The following PARP11 variants were observed in gnomAD, a reference collection of about 807,000 sequenced individuals.
PARP11 encodes the protein protein mono-ADP-ribosyltransferase PARP11.
In PARP11, 31 loss-of-function variants were observed where a neutral mutation model predicts 42.9. The observed-to-expected ratio is 0.72, with a 90% CI of 0.54 to 0.98. PARP11 has a LOEUF of 0.98. Ranked by LOEUF, PARP11 falls within the 50% of genes least tolerant of loss-of-function variation. The pLI is 0.00. For synonymous variants in PARP11, 137 were observed against 127.3 expected (o/e 1.08, Z -0.51); for missense variants, 365 against 413.1 (o/e 0.88, Z 1.01).
At chr12:3,830,493 T>TATA (rs1947616322) in intron 1 of PARP11, among the ~76,000 whole-genome samples, 1 of 152,170 alleles carries the variant, frequency 6.6e-6, no homozygotes, top group Admixed American at 6.5e-5. Context: ...ATAGAAATAG[T>TATA]ATAATCCAAT....
chr12:3,856,616 A>AT (rs1388211877), intron 1 of PARP11, among the ~76,000 whole-genome samples: 4 of 152,196 alleles, frequency 2.6e-5, no homozygotes, highest in African/African-American at 9.7e-5. Flanking sequence ...AAAAGTCAGG[A>AT]AACAACAGGT....
chr12:3,854,199 G>A lies in PARP11; in HGVS notation c.18+19013C>T, dbSNP rs190037444. Among the ~76,000 whole-genome samples, 1,040 of 152,178 alleles carry A rather than the reference G, an allele frequency of 6.8e-3. 24 individuals are homozygous for A. The highest frequency in any genetic ancestry group is 0.023 in the African/African-American group (962 of 41,516). ...GAGAAAGCAGGAAAGATCTAAAATC[G>A]ACACCCTAACATCACAATTAAAAGA... is the stretch of plus-strand genomic sequence containing the variant. On this transcript the variant is annotated intron_variant, in intron 1 of 7. Coordinates refer to ENST00000228820, the MANE Select transcript of PARP11 (RefSeq NM_020367.6).
At chr12:3,864,393 A>C (rs1948354470) in intron 1 of PARP11, among the ~76,000 whole-genome samples, 1 of 152,218 alleles carries the variant, frequency 6.6e-6, no homozygotes, top group African/African-American at 2.4e-5. Context: ...GTAGTTTTCT[A>C]TGATGGGTTT....
rs189576232 is a variant in PARP11 at position 3,825,953 on chromosome 12, A to G, written c.344+205T>C. On this transcript the variant is annotated intron_variant, in intron 4 of 7. Coordinates refer to ENST00000228820, the MANE Select transcript of PARP11 (RefSeq NM_020367.6). ...CCGTGTGTTAGCCAAGATGGTCTCGATCTCCTGACTCGTGATCAGGCCGCC... is the reference window on the plus strand; with the variant it reads ...CCGTGTGTTAGCCAAGATGGTCTCGGTCTCCTGACTCGTGATCAGGCCGCC... Among the ~76,000 whole-genome samples the G allele has an allele frequency of 2.6e-5, 4 of 152,134 alleles. No individual in the cohort carries two copies. In the South Asian group the frequency reaches 8.3e-4, roughly 32 times the overall value.
chr12:3,814,279 G>A (rs1406339975), intron 6 of PARP11, 91 bp from the exon 7 acceptor site: 3 of 981,768 alleles, frequency 3.1e-6, no homozygotes, highest in Non-Finnish European at 4.1e-6. Flanking sequence ...TCAATAGAAA[G>A]CGTAAAACAG....
intron 3 of PARP11, among the ~76,000 whole-genome samples, chr12:3,827,484 A>G (rs901593378): frequency 9.2e-5 from 14 of 152,068 alleles, no homozygotes; most frequent in Non-Finnish European, 1.5e-4. Flanking sequence ...ATTCGGTTTC[A>G]GTTCTTCCTC....
chr12:3,852,339 G>C (rs192300043), intron 1 of PARP11, among the ~76,000 whole-genome samples: 1 of 152,248 alleles, frequency 6.6e-6, no homozygotes, highest in Admixed American at 6.5e-5. Flanking sequence ...AAACTTCTCC[G>C]AGCTAAAGGA....
chr12:3,871,185 G>A (rs780221083), intron 1 of PARP11, among the ~76,000 whole-genome samples: 2 of 152,140 alleles, frequency 1.3e-5, no homozygotes, highest in Admixed American at 6.5e-5. Flanking sequence ...AATGAGAGGG[G>A]AAGAATACTG....
Position 3,821,951 on chromosome 12 carries a change from A to C in PARP11, c.470T>G (p.Phe157Cys). Residue 157 changes from phenylalanine (F) to cysteine (C), a missense_variant, in exon 6 of 8, where the codon TTT becomes TGT. By Grantham distance (205) the Phe-to-Cys change is radical (BLOSUM62 -2). Coordinates refer to ENST00000228820, the MANE Select transcript of PARP11 (RefSeq NM_020367.6). ...THEYNEVANL[F>C]GKTMDRNRIK... ...TCGGTTGCGATCCATCGTCTTCCCA[A>C]AGAGATTAGCAACTTCATTATATTC... 6.2e-7 allele frequency: 1 copy of C among 1,610,456 alleles called. No individual in the cohort carries two copies. Among genetic ancestry groups the C allele is most frequent in the Non-Finnish European group, 8.5e-7 (1 of 1,179,000 alleles).
At chr12:3,866,150 G>T (rs1328403241) in intron 1 of PARP11, among the ~76,000 whole-genome samples, 1 of 152,060 alleles carries the variant, frequency 6.6e-6, no homozygotes, top group Non-Finnish European at 1.5e-5. Context: ...GATGTCTAAT[G>T]AGCTTCACAT....
At chr12:3,829,347 AAATCTTCTTTAT>A (rs1420989595) in intron 2 of PARP11, among the ~76,000 whole-genome samples, 2 of 152,236 alleles carry the variant, frequency 1.3e-5, no homozygotes, top group Non-Finnish European at 2.9e-5. Context: ...GGCTCAAGTT[AAATCTTCTTTAT>A]ATAGTTTAGT....
At chr12:3,841,581 A>C in intron 1 of PARP11, 1 of 1,611,334 alleles carries the variant, frequency 6.2e-7, no homozygotes, top group East Asian at 2.2e-5. Flanking sequence ...AGGTGTCTGA[A>C]AGTCACGGAC....
At chr12:3,848,827 C>G (rs1279887688) in intron 1 of PARP11, among the ~76,000 whole-genome samples, 10 of 151,794 alleles carry the variant, frequency 6.6e-5, no homozygotes, top group Admixed American at 6.6e-4. Context: ...TAAAAAGAGT[C>G]TACACAACAA....
chr12:3,839,378 A>G lies in PARP11; in HGVS notation c.19-9360T>C, dbSNP rs540594263. 9.0e-6 allele frequency: 14 copies of G among 1,547,930 alleles called. No homozygotes were observed. The South Asian group carries it at 1.4e-4, about 15-fold the overall frequency. Reference sequence around the variant, plus strand: ...CCCCGCGAGGACGCGACGCCCATGGACGCCTATCTGCGGAAACTGGGCTTG... The same window carrying G: ...CCCCGCGAGGACGCGACGCCCATGGGCGCCTATCTGCGGAAACTGGGCTTG... On this transcript the variant is annotated intron_variant, in intron 1 of 7. Transcript: ENST00000228820.
intron 1 of PARP11, among the ~76,000 whole-genome samples, chr12:3,871,031 T>C (rs1948468879): frequency 6.6e-6 from 1 of 152,206 alleles, no homozygotes; most frequent in Admixed American, 6.5e-5. Flanking sequence ...ATGACTATTG[T>C]TATATGATGC....
At position 3,869,587 on chromosome 12, in the gene PARP11, T is replaced by C. The variant is rs531366109; in HGVS notation, c.18+3625A>G. ...ACACTATCTCTGCTGTCTGAACAGC[T>C]CTCCCCACCTTCCAGCCAACCTTTA... On this transcript the variant is annotated intron_variant, in intron 1 of 7. Transcript: ENST00000228820. Among the ~76,000 whole-genome samples the C allele has an allele frequency of 7.9e-5, 12 of 152,266 alleles. No homozygotes were observed. In the East Asian group the frequency reaches 2.3e-3, roughly 29 times the overall value.
chr12:3,838,471 T>C (rs1472486250), intron 1 of PARP11, among the ~76,000 whole-genome samples: 1 of 152,076 alleles, frequency 6.6e-6, no homozygotes, highest in Non-Finnish European at 1.5e-5. Context: ...GAGAAGTTTA[T>C]AGCAATAAAC....
chr12:3,859,510 T>C (rs1948259935), intron 1 of PARP11, among the ~76,000 whole-genome samples: 2 of 147,340 alleles, frequency 1.4e-5, no homozygotes. Flanking sequence ...TGCAGTGAGC[T>C]GAGATTGCAC....
intron 1 of PARP11, among the ~76,000 whole-genome samples, chr12:3,850,838 T>C (rs1948084058): frequency 6.6e-6 from 1 of 152,176 alleles, no homozygotes; most frequent in Admixed American, 6.5e-5. Context: ...AAGAGTATGG[T>C]GTTGAAATGA....
Sources: gnomAD v4.1 joint callset for allele counts (sites outside exome capture counted in the v4.1 genomes callset) on GRCh38, gnomAD v4.1.1 for gene constraint, MANE v1.5 for transcripts, NCBI Gene and HGNC (gene_info 2026-07-23, HGNC 2026-07-21) for gene names.